Variants in PAQR5 observed in about 807,000 individuals in gnomAD.
The protein encoded by PAQR5 is progestin and adipoQ receptor family member 5.
Under a neutral mutation model 34.5 loss-of-function variants are expected in PAQR5, and 20 were observed. The ratio of observed to expected loss-of-function variants is 0.58; its 90% CI spans 0.41 to 0.84. The LOEUF (loss-of-function observed/expected upper bound fraction) is 0.84, where lower values mean the gene tolerates loss of function less well. Among genes scored for constraint, PAQR5 ranks in the 40% least tolerant of loss-of-function variants. The pLI, the probability that PAQR5 is intolerant of heterozygous loss-of-function variation, is 0.00. For synonymous variants in PAQR5, 131 were observed against 155.6 expected (o/e 0.84, Z 1.18); for missense variants, 378 against 412.7 (o/e 0.92, Z 0.73).
At chr15:69,311,037 G>GC (rs2053821530) in intron 1 of PAQR5, among the ~76,000 whole-genome samples, 7 of 25,196 alleles carry the variant, frequency 2.8e-4, no homozygotes, top group African/African-American at 5.7e-4. Flanking sequence ...AGACTCCGTC[G>GC]CAAAAAATAA....
In PAQR5 at chr15:69,404,041, G is replaced by T; in HGVS notation, c.*219G>T. The stretch of plus-strand genomic sequence containing the variant: ...ATTTTAAAAGGAGAATATGGTTCAA[G>T]CAAGTCCTTGTTAAGGCAAACTATT... On this transcript the variant is annotated 3_prime_UTR_variant, in exon 9 of 9. Coordinates refer to ENST00000395407, the MANE Select transcript of PAQR5 (RefSeq NM_017705.4). 5.8e-6 allele frequency: 3 copies of T among 514,482 alleles called. No homozygotes were observed. Among genetic ancestry groups the T allele is most frequent in the South Asian group, 3.0e-5 (1 of 33,368 alleles). The allele number at this position is 514,482 out of a possible 1,614,324, so 31.9% of individuals were successfully genotyped here.
intron 3 of PAQR5, among the ~76,000 whole-genome samples, chr15:69,371,262 G>A (rs910893338): frequency 3.9e-5 from 6 of 152,112 alleles, no homozygotes; most frequent in Admixed American, 2.0e-4. Context: ...TCCACATTTT[G>A]AATCAGAAAT....
intron 1 of PAQR5, among the ~76,000 whole-genome samples, chr15:69,315,941 G>C (rs932202086): frequency 6.6e-6 from 1 of 152,146 alleles, no homozygotes; most frequent in Non-Finnish European, 1.5e-5. Context: ...CTCAAGGCCA[G>C]CCTGGAGCCT....
intron 3 of PAQR5, among the ~76,000 whole-genome samples, chr15:69,377,754 G>A (rs1254630012): frequency 6.6e-6 from 1 of 152,110 alleles, no homozygotes. Context: ...GGCACCTCGG[G>A]GACCCAGATT....
At chr15:69,387,847 C>A (rs949413860) in intron 5 of PAQR5, among the ~76,000 whole-genome samples, 12 of 152,188 alleles carry the variant, frequency 7.9e-5, no homozygotes, top group Non-Finnish European at 2.9e-5. Flanking sequence ...CTGCAGGCTG[C>A]ACCACGGGAG....
intron 8 of PAQR5, among the ~76,000 whole-genome samples, chr15:69,401,630 C>T (rs112587728): frequency 1.3e-3 from 191 of 152,298 alleles, no homozygotes; most frequent in Middle Eastern, 3.4e-3. Flanking sequence ...CACCTCTGTC[C>T]CATCCTCTTG....
At position 69,403,747 on chromosome 15, in the gene PAQR5, C is replaced by A; in HGVS notation, c.918C>A (p.Ser306Arg). ...AGAILLCIIF[S>R]LSNIIYFSAA... is the part of the protein sequence containing the mutation. ...CCATACTTCTGTGCATCATCTTCAG[C>A]CTCAGCAACATAATTTATTTCTCAG... The change falls in exon 9 of 9, where the codon AGC (serine) becomes AGA (arginine). Residue 306 changes from serine (S) to arginine (R), a missense_variant. Ser to Arg is a moderately radical substitution (Grantham distance 110). Coordinates refer to ENST00000395407, the MANE Select transcript of PAQR5 (RefSeq NM_017705.4). 2 of 1,614,072 alleles carry A rather than the reference C, an allele frequency of 1.2e-6. No individual in the cohort carries two copies. The highest frequency in any genetic ancestry group is 1.7e-6 in the Non-Finnish European group (2 of 1,179,914).
At chr15:69,313,438 T>C (rs1326235831) in intron 1 of PAQR5, among the ~76,000 whole-genome samples, 2 of 151,992 alleles carry the variant, frequency 1.3e-5, no homozygotes, top group Non-Finnish European at 2.9e-5. Context: ...GAGCTGAAGC[T>C]GCAGTGAGCT....
chr15:69,340,485 C>T (rs910564765), intron 2 of PAQR5, among the ~76,000 whole-genome samples: 1 of 152,176 alleles, frequency 6.6e-6, no homozygotes, highest in African/African-American at 2.4e-5. Context: ...TAATGAATGG[C>T]AAACTACTTG....
chr15:69,386,132 TCACATACACACTCACAC>T (rs963018177), intron 5 of PAQR5, among the ~76,000 whole-genome samples: 2 of 148,978 alleles, frequency 1.3e-5, no homozygotes, highest in Non-Finnish European at 3.0e-5. Context: ...CACAATACAC[TCACATACACACTCACAC>T]CACATACACA....
At chr15:69,301,501 C>G (rs959440828) in intron 1 of PAQR5, among the ~76,000 whole-genome samples, 2 of 152,202 alleles carry the variant, frequency 1.3e-5, no homozygotes, top group African/African-American at 2.4e-5. Context: ...AAACTTTAAT[C>G]TTCATTGTCT....
intron 1 of PAQR5, among the ~76,000 whole-genome samples, chr15:69,304,503 C>T (rs562216604): frequency 3.9e-5 from 6 of 152,266 alleles, no homozygotes; most frequent in African/African-American, 9.6e-5. Context: ...CCAGCAGGTG[C>T]GAGAGCTACA....
rs907926809 is a variant in PAQR5, at chr15:69,326,812, A to C, written c.-276-10529A>C. 5.6e-5 allele frequency among the ~76,000 whole-genome samples: 5 copies of C among 88,604 alleles called. No individual in the cohort carries two copies. In the Admixed American group the frequency reaches 8.7e-4, roughly 15 times the overall value. 58.1% of individuals were successfully genotyped at this position (88,604 alleles called of 152,430 possible). ...AAAAATTGTGCAGAAGGTAATTTCC[A>C]TTCCCTCCCTCCCCACCCCCGTTAT... On this transcript the variant is annotated intron_variant, in intron 1 of 8. Coordinates refer to ENST00000395407, the MANE Select transcript of PAQR5 (RefSeq NM_017705.4).
At chr15:69,390,511 C>T (rs954784510) in intron 6 of PAQR5, among the ~76,000 whole-genome samples, 8 of 151,954 alleles carry the variant, frequency 5.3e-5, no homozygotes, top group Admixed American at 1.3e-4. Flanking sequence ...CTCTTTGATT[C>T]GGTACAAGGC....
At chr15:69,371,299 T>C (rs945550943) in intron 3 of PAQR5, among the ~76,000 whole-genome samples, 1 of 152,210 alleles carries the variant, frequency 6.6e-6, no homozygotes, top group Non-Finnish European at 1.5e-5. Context: ...CTTTTTTTAA[T>C]TGAAGCCAGT....
chr15:69,400,547 C>G (rs1162027033), intron 8 of PAQR5, among the ~76,000 whole-genome samples: 2 of 152,158 alleles, frequency 1.3e-5, no homozygotes, highest in Non-Finnish European at 2.9e-5. Flanking sequence ...CAAAAATTAG[C>G]TGGGCATGGT....
Position 69,405,186 on chromosome 15 carries a change from T to C in PAQR5, c.*1364T>C, listed in dbSNP as rs989312700. ...CACAGAAATGCGGATGCAAAACAAC[T>C]TTTGACAGAGGCCCATCAAACCCAG... On this transcript the variant is annotated 3_prime_UTR_variant, in exon 9 of 9. Transcript: ENST00000395407. 1 of 389,224 alleles carries C rather than the reference T, an allele frequency of 2.6e-6. No individual in the cohort carries two copies. The highest frequency in any genetic ancestry group is 2.1e-5 in the African/African-American group (1 of 48,424). The allele number at this position is 389,224 out of a possible 1,614,324, so 24.1% of individuals were successfully genotyped here.
chr15:69,349,564 G>T (rs1405412279), intron 2 of PAQR5, among the ~76,000 whole-genome samples: 9 of 152,172 alleles, frequency 5.9e-5, no homozygotes, highest in South Asian at 2.1e-4. Context: ...ACTTTGGTTG[G>T]TTGGCTGAAA....
intron 1 of PAQR5, among the ~76,000 whole-genome samples, chr15:69,303,427 C>T (rs1043912418): frequency 6.6e-6 from 1 of 152,122 alleles, no homozygotes; most frequent in Non-Finnish European, 1.5e-5. Context: ...GAGTCATCCC[C>T]ACCAGACCTC....
Sources: allele counts gnomAD v4.1 joint callset (sites outside exome capture counted in the v4.1 genomes callset), GRCh38; gene constraint gnomAD v4.1.1; transcripts MANE v1.5; gene names NCBI Gene and HGNC (gene_info 2026-07-23, HGNC 2026-07-21).